Variants in NRG3 observed in about 807,000 individuals in gnomAD.
The protein encoded by NRG3 is pro-neuregulin-3, membrane-bound isoform.
In NRG3, 31 loss-of-function variants were observed where a neutral mutation model predicts 66.9. The observed-to-expected ratio is 0.46, with a 90% CI of 0.35 to 0.63. The LOEUF (loss-of-function observed/expected upper bound fraction) is 0.63, where lower values mean the gene tolerates loss of function less well. Ranked by LOEUF, NRG3 falls within the 20% of genes least tolerant of loss-of-function variation. NRG3 has a pLI of 0.00. For missense variants in NRG3, 910 were observed against 878.9 expected, an observed-to-expected ratio of 1.04 and a Z score of -0.45; for synonymous variants, 393 against 359.4, an observed-to-expected ratio of 1.09 and a Z score of -1.06.
At chr10:82,945,070 G>A (rs1046280860) in intron 4 of NRG3, among the ~76,000 whole-genome samples, 1 of 152,074 alleles carries the variant, frequency 6.6e-6, no homozygotes, top group East Asian at 1.9e-4. Flanking sequence ...AGCATTTTGG[G>A]AGCACCCCAG....
At chr10:82,160,809 A>G (rs961292515) in intron 1 of NRG3, among the ~76,000 whole-genome samples, 1 of 152,068 alleles carries the variant, frequency 6.6e-6, no homozygotes, top group African/African-American at 2.4e-5. Flanking sequence ...CAAGTTCAGC[A>G]TGTGATCTAA....
rs1853433203 is a variant in NRG3, at chr10:82,986,360, G to T, written c.*755G>T. 6.6e-6 allele frequency: 1 copy of T among 152,230 alleles called. No individual in the cohort carries two copies. Among genetic ancestry groups the T allele is most frequent in the Admixed American group, 6.5e-5 (1 of 15,282 alleles). 9.4% of individuals were successfully genotyped at this position (152,230 alleles called of 1,614,324 possible). On this transcript the variant is annotated 3_prime_UTR_variant, in exon 9 of 9. Coordinates refer to ENST00000372141, the MANE Select transcript of NRG3 (RefSeq NM_001010848.4). ...TCTGGAGGAGCGTTTCTCAGTTTTT[G>T]TGTGCCTGTGTGCACATGTGTGTGC...
intron 1 of NRG3, among the ~76,000 whole-genome samples, chr10:81,954,178 G>A (rs1259781137): frequency 1.3e-5 from 2 of 152,162 alleles, no homozygotes; most frequent in African/African-American, 2.4e-5. Flanking sequence ...AGTTGAGGTG[G>A]TAAGAGCAGA....
intron 2 of NRG3, among the ~76,000 whole-genome samples, chr10:82,519,358 C>T (rs1170395430): frequency 1.3e-5 from 2 of 152,156 alleles, no homozygotes; most frequent in Admixed American, 6.5e-5. Context: ...ATCACCTGCT[C>T]AATTTCCACA....
intron 1 of NRG3, among the ~76,000 whole-genome samples, chr10:82,206,338 T>C (rs565239161): frequency 6.6e-6 from 1 of 152,286 alleles, no homozygotes; most frequent in African/African-American, 2.4e-5. Context: ...ACCGTTCTCA[T>C]TGGTTTAATA....
At chr10:82,211,860 T>G (rs1244237511) in intron 1 of NRG3, among the ~76,000 whole-genome samples, 1 of 152,088 alleles carries the variant, frequency 6.6e-6, no homozygotes, top group Non-Finnish European at 1.5e-5. Flanking sequence ...AGAGGGACCA[T>G]AACACACCCC....
At chr10:82,104,580 G>T (rs991456315) in intron 1 of NRG3, among the ~76,000 whole-genome samples, 2 of 152,190 alleles carry the variant, frequency 1.3e-5, no homozygotes, top group African/African-American at 4.8e-5. Context: ...TTATAGGAAT[G>T]TGCTGTGTGA....
At chr10:82,178,225 G>A (rs1402961004) in intron 1 of NRG3, among the ~76,000 whole-genome samples, 1 of 152,120 alleles carries the variant, frequency 6.6e-6, no homozygotes, top group Non-Finnish European at 1.5e-5. Context: ...ATGTTTCATT[G>A]TGATTAAAAA....
At chr10:81,971,997 A>T (rs2059951791) in intron 1 of NRG3, among the ~76,000 whole-genome samples, 1 of 152,166 alleles carries the variant, frequency 6.6e-6, no homozygotes, top group Admixed American at 6.6e-5. Flanking sequence ...TAGTGGGAAC[A>T]ATACCTGACA....
intron 1 of NRG3, among the ~76,000 whole-genome samples, chr10:81,941,196 T>G (rs1029665837): frequency 5.9e-5 from 9 of 152,152 alleles, no homozygotes; most frequent in African/African-American, 1.7e-4. Context: ...TTCATAATTT[T>G]TACTTGTGAC....
chr10:82,356,314 G>C (rs1465628729), intron 1 of NRG3, among the ~76,000 whole-genome samples: 1 of 152,178 alleles, frequency 6.6e-6, no homozygotes, highest in Non-Finnish European at 1.5e-5. Flanking sequence ...AATGAAAGCT[G>C]TTCTTAGAAG....
At chr10:81,881,352 GA>G (rs1256257336) in intron 1 of NRG3, among the ~76,000 whole-genome samples, 3 of 151,516 alleles carry the variant, frequency 2.0e-5, no homozygotes, top group African/African-American at 7.3e-5. Flanking sequence ...GAAAGTTAAG[GA>G]AAAAAATACT....
chr10:82,307,783 C>A (rs1054705444), intron 1 of NRG3, among the ~76,000 whole-genome samples: 11 of 150,736 alleles, frequency 7.3e-5, no homozygotes, highest in African/African-American at 1.2e-4. Context: ...TTAAAAAAAT[C>A]TTCTATTTTA....
intron 2 of NRG3, among the ~76,000 whole-genome samples, chr10:82,517,498 A>AAAT (rs1845771519): frequency 6.6e-6 from 1 of 152,210 alleles, no homozygotes; most frequent in Non-Finnish European, 1.5e-5. Context: ...GTAGTCACTG[A>AAAT]TGGGTTTAGT....
At chr10:82,234,431 A>G (rs2076653160) in intron 1 of NRG3, among the ~76,000 whole-genome samples, 1 of 152,104 alleles carries the variant, frequency 6.6e-6, no homozygotes, top group South Asian at 2.1e-4. Flanking sequence ...TTTACTTGTG[A>G]CCTTATTTTG....
intron 1 of NRG3, among the ~76,000 whole-genome samples, chr10:82,074,100 G>A (rs1241843598): frequency 1.3e-5 from 2 of 152,104 alleles, no homozygotes; most frequent in Non-Finnish European, 2.9e-5. Flanking sequence ...GCAGGGTTTG[G>A]GAATGAAGGA....
intron 1 of NRG3, among the ~76,000 whole-genome samples, chr10:81,999,070 T>G (rs892030817): frequency 1.3e-5 from 2 of 152,186 alleles, no homozygotes; most frequent in African/African-American, 4.8e-5. Flanking sequence ...CCCAAAATGT[T>G]GGGTTTATAG....
In NRG3 at chr10:82,725,550, A is replaced by G. The variant is rs140253090; in HGVS notation, c.954-13027A>G. Among the ~76,000 whole-genome samples, 16 of 152,292 alleles carry G rather than the reference A, an allele frequency of 1.1e-4. No homozygotes were observed. The East Asian group carries it at 3.1e-3, about 29-fold the overall frequency. ...TATCGTTATAGGAAAAATTGTATAC[A>G]TTAAACTTTAGGTGTTTCTGTTAAT... On this transcript the variant is annotated intron_variant, in intron 2 of 8. Coordinates refer to ENST00000372141, the MANE Select transcript of NRG3 (RefSeq NM_001010848.4).
At chr10:81,969,564 C>T (rs2059850735) in intron 1 of NRG3, among the ~76,000 whole-genome samples, 1 of 152,148 alleles carries the variant, frequency 6.6e-6, no homozygotes, top group Non-Finnish European at 1.5e-5. Flanking sequence ...CAAAAAAATC[C>T]AGCGTGACCA....
Sources: gnomAD v4.1 joint callset for allele counts (sites outside exome capture counted in the v4.1 genomes callset) on GRCh38, gnomAD v4.1.1 for gene constraint, MANE v1.5 for transcripts, NCBI Gene and HGNC (gene_info 2026-07-23, HGNC 2026-07-21) for gene names.